Variants in PPP1R12B observed in about 807,000 individuals in gnomAD.
The protein encoded by PPP1R12B is protein phosphatase 1 regulatory subunit 12B.
A neutral mutation model predicts 126.1 loss-of-function variants in PPP1R12B; 76 were observed. The ratio of observed to expected loss-of-function variants is 0.60; its 90% CI spans 0.50 to 0.73. The LOEUF (loss-of-function observed/expected upper bound fraction) is 0.73, where lower values mean the gene tolerates loss of function less well. Among genes scored for constraint, PPP1R12B ranks in the 30% least tolerant of loss-of-function variants. The pLI is 0.00. For synonymous variants in PPP1R12B, 356 were observed against 434.7 expected (o/e 0.82, Z 2.25); for missense variants, 1,052 against 1,205.1 (o/e 0.87, Z 1.88).
At chr1:202,418,621 G>A (rs1571919662) in intron 2 of PPP1R12B, among the ~76,000 whole-genome samples, 1 of 152,136 alleles carries the variant, frequency 6.6e-6, no homozygotes, top group Admixed American at 6.5e-5. Context: ...TCCTAAGACA[G>A]ACTATTATAA....
At chr1:202,559,025 C>T in intron 19 of PPP1R12B, 132 bp downstream of exon 19, 1 of 968,692 alleles carries the variant, frequency 1.0e-6, no homozygotes, top group Non-Finnish European at 1.5e-6. Context: ...TCCACAGCCA[C>T]CACAATAATT....
intron 23 of PPP1R12B, among the ~76,000 whole-genome samples, chr1:202,573,301 G>A (rs1688783511): frequency 1.3e-5 from 2 of 152,124 alleles, no homozygotes; most frequent in Admixed American, 1.3e-4. Context: ...AGACAGTTTG[G>A]CTAGCCTACC....
intron 18 of PPP1R12B, among the ~76,000 whole-genome samples, chr1:202,518,591 A>T (rs562519646): frequency 1.3e-5 from 2 of 152,376 alleles, no homozygotes; most frequent in African/African-American, 4.8e-5. Context: ...AACCATAAGG[A>T]TGTAGCAGGC....
At chr1:202,387,589 A>T (rs1663361081) in intron 1 of PPP1R12B, among the ~76,000 whole-genome samples, 1 of 152,172 alleles carries the variant, frequency 6.6e-6, no homozygotes, top group Admixed American at 6.5e-5. Flanking sequence ...TTTCGATGGT[A>T]CAAGATTTTT....
chr1:202,434,953 C>T (rs954541017), intron 9 of PPP1R12B, among the ~76,000 whole-genome samples, 185 bp downstream of exon 9: 1 of 152,172 alleles, frequency 6.6e-6, no homozygotes, highest in African/African-American at 2.4e-5. Flanking sequence ...TCTCACAGTT[C>T]TGGAGGCTGG....
At chr1:202,376,777 A>C (rs189247344) in intron 1 of PPP1R12B, among the ~76,000 whole-genome samples, 1 of 152,300 alleles carries the variant, frequency 6.6e-6, no homozygotes, top group Non-Finnish European at 1.5e-5. Flanking sequence ...AGGATAGTGC[A>C]CTAACCAGAG....
chr1:202,452,145 G>C (rs1459313343), intron 13 of PPP1R12B, among the ~76,000 whole-genome samples: 3 of 152,032 alleles, frequency 2.0e-5, no homozygotes, highest in Non-Finnish European at 2.9e-5. Context: ...TTCCAGACGG[G>C]GTGGCGGCCG....
At chr1:202,371,936 A>G (rs1158475161) in intron 1 of PPP1R12B, among the ~76,000 whole-genome samples, 3 of 130,494 alleles carry the variant, frequency 2.3e-5, no homozygotes, top group African/African-American at 8.9e-5. Context: ...CAGCGGCATG[A>G]TCTCAGCTCA....
At chr1:202,555,225 T>A (rs953091942) in intron 18 of PPP1R12B, among the ~76,000 whole-genome samples, 20 of 146,766 alleles carry the variant, frequency 1.4e-4, no homozygotes, top group African/African-American at 4.8e-4. Context: ...AGGGTTAATG[T>A]CATTTAAAAA....
chr1:202,582,808 C>T lies in PPP1R12B; in HGVS notation c.*2248C>T, dbSNP rs1056253101. On this transcript the variant is annotated 3_prime_UTR_variant, in exon 24 of 24. Transcript: ENST00000608999. ...GCTGAGGCAGGAGAATGGCGTGAAC[C>T]CGGGAGGCGGAGCTTGCAGTGAGCC... The T allele has an allele frequency of 3.3e-5, 5 of 152,148 alleles. No homozygotes were observed. Among genetic ancestry groups the T allele is most frequent in the African/African-American group, 9.7e-5 (4 of 41,412 alleles). The allele number at this position is 152,148 out of a possible 1,614,324, so 9.4% of individuals were successfully genotyped here. A position where few individuals can be genotyped will look rare whatever the true frequency, so the allele number is the denominator to read the frequency against.
intron 3 of PPP1R12B, 120 bp downstream of exon 3, chr1:202,422,858 C>T (rs1668988056): frequency 7.1e-7 from 1 of 1,408,532 alleles, no homozygotes; most frequent in African/African-American, 1.4e-5. Context: ...TTTGATCTGT[C>T]TGCACTGCAT....
chr1:202,514,509 A>T (rs544632646), intron 18 of PPP1R12B, among the ~76,000 whole-genome samples: 2 of 152,232 alleles, frequency 1.3e-5, no homozygotes, highest in South Asian at 4.2e-4. Context: ...GCCCATTTCT[A>T]TGTCCAGGAT....
Position 202,545,304 on chromosome 1 carries a change from G to C in PPP1R12B, c.2491-13573G>C, listed in dbSNP as rs12029565. Among the ~76,000 whole-genome samples, 1,219 of 152,312 alleles carry C rather than the reference G, an allele frequency of 8.0e-3. 53 individuals carry two copies. The highest frequency in any genetic ancestry group is 0.064 in the East Asian group (329 of 5,178). On this transcript the variant is annotated intron_variant, in intron 18 of 23. Coordinates refer to ENST00000608999, the MANE Select transcript of PPP1R12B (RefSeq NM_002481.4). ...AGTAAAACCTGTGGGAATAAAAGTA[G>C]CTTTCCCATTTGGACCCATTACATG... is the stretch of plus-strand genomic sequence containing the variant.
intron 18 of PPP1R12B, among the ~76,000 whole-genome samples, chr1:202,510,655 G>C (rs1681358848): frequency 6.6e-6 from 1 of 151,840 alleles, no homozygotes; most frequent in South Asian, 2.1e-4. Context: ...GTCCCATTTG[G>C]GATGTCTTTT....
At chr1:202,382,422 T>TA (rs200012728) in intron 1 of PPP1R12B, among the ~76,000 whole-genome samples, 1,555 of 101,444 alleles carry the variant, frequency 0.015, 27 homozygotes, top group African/African-American at 0.053. Flanking sequence ...TAAAGTATAA[T>TA]AAAAAAAATA....
intron 13 of PPP1R12B, among the ~76,000 whole-genome samples, chr1:202,450,743 T>G (rs1402193594): frequency 1.3e-5 from 2 of 152,246 alleles, no homozygotes; most frequent in Non-Finnish European, 2.9e-5. Flanking sequence ...ATGTCAGCAC[T>G]ATGCTATTTT....
intron 18 of PPP1R12B, among the ~76,000 whole-genome samples, chr1:202,549,143 A>G (rs1242816984): frequency 1.3e-5 from 2 of 152,122 alleles, no homozygotes; most frequent in African/African-American, 4.8e-5. Flanking sequence ...ATCCTTCTGA[A>G]CTTCATCTTT....
Position 202,431,541 on chromosome 1 carries a change from A to G in PPP1R12B, c.1063A>G (p.Lys355Glu). 4 of 1,613,700 alleles carry G rather than the reference A, an allele frequency of 2.5e-6. No individual in the cohort carries two copies. Among genetic ancestry groups the G allele is most frequent in the Non-Finnish European group, 3.4e-6 (4 of 1,179,852 alleles). ...PKSQEMEEEN[K>E]ESSSSSSEEE... ...GTCCCAAGAAATGGAGGAAGAAAAT[A>G]AAGAATCTAGTAGCTCCAGCTCAGA... Residue 355 changes from lysine to glutamate, a missense_variant, in exon 8 of 24, where the codon AAA (lysine) becomes GAA (glutamate). Physicochemically the swap from Lys to Glu is moderately conservative, Grantham distance 56 (BLOSUM62 1). Transcript: ENST00000608999.
At chr1:202,494,743 CAACAA>C (rs1378692742) in intron 15 of PPP1R12B, among the ~76,000 whole-genome samples, 4 of 151,426 alleles carry the variant, frequency 2.6e-5, no homozygotes, top group Admixed American at 6.6e-5. Flanking sequence ...AAAACAACAA[CAACAA>C]AACAAAACTA....
Sources: gnomAD v4.1 joint callset for allele counts (sites outside exome capture counted in the v4.1 genomes callset) on GRCh38, gnomAD v4.1.1 for gene constraint, MANE v1.5 for transcripts, NCBI Gene and HGNC (gene_info 2026-07-23, HGNC 2026-07-21) for gene names.